Variants in AGK observed in about 807,000 individuals in gnomAD.
AGK encodes the protein acylglycerol kinase.
In AGK, 52 loss-of-function variants were observed where a neutral mutation model predicts 66.4. The observed-to-expected ratio is 0.78, with a 90% confidence interval of 0.63 to 0.99. The LOEUF (loss-of-function observed/expected upper bound fraction) is 0.99. AGK is among the 50% of genes least tolerant of loss of function. The pLI is 0.00. For missense variants in AGK, 451 were observed against 506.6 expected (o/e 0.89, Z 1.05); for synonymous variants, 182 against 181.1 (o/e 1.00, Z -0.04).
chr7:141,560,664 C>T (rs1480857413), intron 2 of AGK, among the ~76,000 whole-genome samples: 2 of 152,058 alleles, frequency 1.3e-5, no homozygotes, highest in Non-Finnish European at 2.9e-5. Context: ...CATTCTCATG[C>T]CTTTGTGCCC....
At chr7:141,615,723 G>T in intron 8 of AGK, 158 bp downstream of exon 8, 1 of 638,644 alleles carries the variant, frequency 1.6e-6, no homozygotes, top group Non-Finnish European at 2.8e-6. Flanking sequence ...AGTTCATTGG[G>T]AAGTCTCCCA....
rs561981847 is a variant in AGK at position 141,650,065 on chromosome 7, G to A, written c.1046+732G>A. Reference sequence around the variant, plus strand: ...GCCAACTGGTAATCTGCTCAGCTCCGCTTTTCTGTGCTTTGTCTCAGAGCT... The same window carrying A: ...GCCAACTGGTAATCTGCTCAGCTCCACTTTTCTGTGCTTTGTCTCAGAGCT... On this transcript the variant is annotated intron_variant, in intron 14 of 15. Coordinates refer to ENST00000649286, the MANE Select transcript of AGK (RefSeq NM_018238.4). 6.6e-5 allele frequency among the ~76,000 whole-genome samples: 10 copies of A among 152,280 alleles called. No individual in the cohort carries two copies. The South Asian group carries it at 1.9e-3, about 28-fold the overall frequency.
In AGK at chr7:141,639,550, G is replaced by A. The variant is rs139218063; in HGVS notation, c.727-1698G>A. ...ACCTTTTTTCATTGATACAGAAGAG[G>A]AGTAAAGGGTAGGTCCAGATGAAAA... On this transcript the variant is annotated intron_variant, in intron 11 of 15. Transcript: ENST00000649286. Among the ~76,000 whole-genome samples, 339 of 152,246 alleles carry A rather than the reference G, an allele frequency of 2.2e-3. 3 individuals are homozygous for A. Among genetic ancestry groups the A allele is most frequent in the East Asian group, 0.019 (100 of 5,176 alleles).
chr7:141,636,719 C>A (rs951055593), intron 10 of AGK, among the ~76,000 whole-genome samples: 22 of 152,158 alleles, frequency 1.4e-4, no homozygotes, highest in Non-Finnish European at 1.5e-4. Flanking sequence ...GGTTATATAT[C>A]TCTCATAAAT....
intron 8 of AGK, among the ~76,000 whole-genome samples, chr7:141,619,935 T>A (rs1157811556): frequency 6.6e-6 from 1 of 152,150 alleles, no homozygotes; most frequent in East Asian, 1.9e-4. Flanking sequence ...CTGGGAACAA[T>A]GCCAATGTCC....
At chr7:141,564,657 C>A (rs1162654751) in intron 2 of AGK, among the ~76,000 whole-genome samples, 1 of 152,180 alleles carries the variant, frequency 6.6e-6, no homozygotes, top group Non-Finnish European at 1.5e-5. Flanking sequence ...CGAAATGCTT[C>A]ATTTCTTTGT....
Position 141,650,415 on chromosome 7 carries a change from C to G in AGK, c.1046+1082C>G, listed in dbSNP as rs1056550390. 44 of 714,726 alleles carry G rather than the reference C, an allele frequency of 6.2e-5. No individual in the cohort carries two copies. The African/African-American group carries it at 8.1e-4, about 13-fold the overall frequency. 44.3% of individuals were successfully genotyped at this position (714,726 alleles called of 1,614,324 possible). On this transcript the variant is annotated intron_variant, in intron 14 of 15. Coordinates refer to ENST00000649286, the MANE Select transcript of AGK (RefSeq NM_018238.4). ...ATTCTATTGCTAAGGTTAGGCGAAGCCACTATGTTCTGCATTGTTAGCACC... is the reference window on the plus strand; with the variant it reads ...ATTCTATTGCTAAGGTTAGGCGAAGGCACTATGTTCTGCATTGTTAGCACC...
At chr7:141,609,484 T>C (rs924475313) in intron 5 of AGK, among the ~76,000 whole-genome samples, 1 of 152,230 alleles carries the variant, frequency 6.6e-6, no homozygotes, top group Non-Finnish European at 1.5e-5. Flanking sequence ...AATGGAAAGA[T>C]ACATAGGTCA....
chr7:141,603,896 A>G (rs559253555), intron 5 of AGK, among the ~76,000 whole-genome samples: 1 of 152,308 alleles, frequency 6.6e-6, no homozygotes, highest in South Asian at 2.1e-4. Flanking sequence ...TAAACAAATA[A>G]GAATACTTTT....
At chr7:141,605,225 C>T (rs912649745) in intron 5 of AGK, among the ~76,000 whole-genome samples, 1 of 152,112 alleles carries the variant, frequency 6.6e-6, no homozygotes, top group Admixed American at 6.5e-5. Flanking sequence ...ATGTTTATCC[C>T]TTCATTTAGC....
chr7:141,625,404 C>T (rs907315023), intron 9 of AGK, among the ~76,000 whole-genome samples: 1 of 152,082 alleles, frequency 6.6e-6, no homozygotes, highest in African/African-American at 2.4e-5. Flanking sequence ...GGCTGGAGTG[C>T]AGTGGCACAA....
At chr7:141,604,782 C>G (rs755694583) in intron 5 of AGK, among the ~76,000 whole-genome samples, 1 of 151,880 alleles carries the variant, frequency 6.6e-6, no homozygotes, top group Non-Finnish European at 1.5e-5. Flanking sequence ...CAAGGTTTTA[C>G]CATGTTGGCC....
chr7:141,570,557 C>T (rs1175228311), intron 2 of AGK, among the ~76,000 whole-genome samples: 1 of 150,688 alleles, frequency 6.6e-6, no homozygotes, highest in Non-Finnish European at 1.5e-5. Context: ...ATAATGAATC[C>T]CCAAGTAACA....
At chr7:141,648,190 T>G (rs921354365) in intron 13 of AGK, among the ~76,000 whole-genome samples, 16 of 152,202 alleles carry the variant, frequency 1.1e-4, no homozygotes, top group African/African-American at 3.9e-4. Context: ...TTGCTCTGCT[T>G]CTTTGATCTT....
rs569980603 is a variant in AGK, at chr7:141,558,720, G to T, written c.101+3153G>T. Reference sequence around the variant, plus strand: ...AGCTTTCATACTGTTTTCCATTGTGGCTCATCATTTTACAATCCCACAAAC... The same window carrying T: ...AGCTTTCATACTGTTTTCCATTGTGTCTCATCATTTTACAATCCCACAAAC... On this transcript the variant is annotated intron_variant, in intron 2 of 15. Coordinates refer to ENST00000649286, the MANE Select transcript of AGK (RefSeq NM_018238.4). 7.2e-5 allele frequency among the ~76,000 whole-genome samples: 11 copies of T among 152,130 alleles called. No homozygotes were observed. In the East Asian group the frequency reaches 2.1e-3, roughly 29 times the overall value.
At chr7:141,620,810 C>T (rs560693240) in intron 8 of AGK, among the ~76,000 whole-genome samples, 158 of 152,268 alleles carry the variant, frequency 1.0e-3, no homozygotes, top group African/African-American at 3.6e-3. Flanking sequence ...GAAAAGGAAC[C>T]ATTTTGAAAT....
At position 141,651,623 on chromosome 7, in the gene AGK, G is replaced by T; in HGVS notation, c.1131+14G>T. The T allele has an allele frequency of 6.2e-7, 1 of 1,612,836 alleles. No individual in the cohort carries two copies. The highest frequency in any genetic ancestry group is 8.5e-7 in the Non-Finnish European group (1 of 1,178,786). On this transcript the variant is annotated intron_variant, in intron 15 of 15. Coordinates refer to ENST00000649286, the MANE Select transcript of AGK (RefSeq NM_018238.4). ...CTTATCCCGGAGGTGAGTGGGGAAG[G>T]GGTCGGTAGTCACAGCATTTGATTC...
At chr7:141,590,468 C>T (rs531080004) in intron 2 of AGK, among the ~76,000 whole-genome samples, 4 of 151,906 alleles carry the variant, frequency 2.6e-5, no homozygotes, top group African/African-American at 4.8e-5. Context: ...GAGCACAGTC[C>T]GGAGAGGCTG....
intron 1 of AGK, among the ~76,000 whole-genome samples, chr7:141,552,898 T>A (rs184898007): frequency 1.1e-4 from 16 of 152,266 alleles, no homozygotes; most frequent in African/African-American, 3.9e-4. Context: ...ATACCCCCTT[T>A]TTCCAGTCTC....
Sources: gnomAD v4.1 joint callset for allele counts (sites outside exome capture counted in the v4.1 genomes callset) on GRCh38, gnomAD v4.1.1 for gene constraint, MANE v1.5 for transcripts, NCBI Gene and HGNC (gene_info 2026-07-23, HGNC 2026-07-21) for gene names.